TBC1D2B: variants seen among roughly 807,000 people sequenced by gnomAD.
The protein encoded by TBC1D2B is TBC1 domain family member 2B.
In TBC1D2B, 64 loss-of-function variants were observed where a neutral mutation model predicts 100.8. The observed-to-expected ratio is 0.64, with a 90% confidence interval of 0.52 to 0.78. The LOEUF (loss-of-function observed/expected upper bound fraction) is 0.78. Among genes scored for constraint, TBC1D2B ranks in the 30% least tolerant of loss-of-function variants. The pLI, the probability that TBC1D2B is intolerant of heterozygous loss-of-function variation, is 0.00. For synonymous variants in TBC1D2B, 480 were observed against 479.7 expected, an observed-to-expected ratio of 1.00 and a Z score of -0.01; for missense variants, 1,052 against 1,218.4, an observed-to-expected ratio of 0.86 and a Z score of 2.03.
At chr15:78,029,836 G>GT (rs973123688) in intron 4 of TBC1D2B, among the ~76,000 whole-genome samples, 171 bp downstream of exon 4, 3 of 152,084 alleles carry the variant, frequency 2.0e-5, no homozygotes, top group Admixed American at 2.0e-4. Context: ...TTCTTATAAC[G>GT]TTTATTAAAT....
At chr15:78,016,862 G>A in intron 7 of TBC1D2B, 123 bp from the exon 8 acceptor site, 1 of 754,056 alleles carries the variant, frequency 1.3e-6, no homozygotes, top group Non-Finnish European at 2.0e-6. Flanking sequence ...GAGACAGACT[G>A]TAGCAAAGAC....
chr15:78,035,745 C>A (rs1269641737), intron 3 of TBC1D2B, among the ~76,000 whole-genome samples: 2 of 151,140 alleles, frequency 1.3e-5, no homozygotes, highest in African/African-American at 4.9e-5. Context: ...CAGAACAATG[C>A]TATTTGAAAT....
At chr15:78,076,236 C>G (rs2073826931) in intron 1 of TBC1D2B, among the ~76,000 whole-genome samples, 1 of 152,186 alleles carries the variant, frequency 6.6e-6, no homozygotes, top group Non-Finnish European at 1.5e-5. Flanking sequence ...CACTGTATCT[C>G]TCATTTTGTC....
intron 1 of TBC1D2B, among the ~76,000 whole-genome samples, chr15:78,057,647 G>GA (rs931742283): frequency 2.0e-4 from 29 of 146,610 alleles, no homozygotes; most frequent in South Asian, 4.3e-4. Flanking sequence ...CTGTCTCAAA[G>GA]AAAAAAAAAA....
At chr15:78,024,130 C>A in intron 6 of TBC1D2B, 26 bp downstream of exon 6, 1 of 1,582,880 alleles carries the variant, frequency 6.3e-7, no homozygotes, top group Non-Finnish European at 8.6e-7. Flanking sequence ...TCATGCCAAT[C>A]ACCAGAGCCC....
intron 9 of TBC1D2B, among the ~76,000 whole-genome samples, chr15:78,011,804 G>A (rs1187252210): frequency 2.0e-5 from 3 of 151,688 alleles, no homozygotes; most frequent in African/African-American, 7.3e-5. Context: ...ATGTGCCACC[G>A]TCTGGCAAAT....
At chr15:78,027,487 G>A (rs967744414) in intron 4 of TBC1D2B, among the ~76,000 whole-genome samples, 6 of 152,170 alleles carry the variant, frequency 3.9e-5, no homozygotes, top group Admixed American at 2.0e-4. Flanking sequence ...GCTGATTATC[G>A]GAGCCATTTC....
At chr15:78,073,173 A>T (rs2073767311) in intron 1 of TBC1D2B, among the ~76,000 whole-genome samples, 1 of 152,154 alleles carries the variant, frequency 6.6e-6, no homozygotes, top group Non-Finnish European at 1.5e-5. Flanking sequence ...GCAAAATCAC[A>T]TCCCCTCTCT....
rs191285187 is a variant in TBC1D2B, at chr15:77,997,247, G to A, written c.*913C>T. ...CACCACTGCCCTGCAAAGCACCCCC[G>A]AAAACATTCCTCCATCCCCTCAACC... On this transcript the variant is annotated 3_prime_UTR_variant, in exon 13 of 13. Coordinates refer to ENST00000300584, the MANE Select transcript of TBC1D2B (RefSeq NM_144572.2). 1,134 of 152,392 alleles carry A rather than the reference G, an allele frequency of 7.4e-3. 11 individuals carry two copies. The highest frequency in any genetic ancestry group is 0.013 in the Non-Finnish European group (900 of 68,064). The allele number at this position is 152,392 out of a possible 1,614,324, so 9.4% of individuals were successfully genotyped here.
chr15:78,012,870 G>C lies in TBC1D2B; in HGVS notation c.2223C>G (p.Ala741=), dbSNP rs1420101166. 6.6e-7 allele frequency: 1 copy of C among 1,517,872 alleles called. No homozygotes were observed. Among genetic ancestry groups the C allele is most frequent in the Non-Finnish European group, 8.8e-7 (1 of 1,133,562 alleles). 94.0% of individuals were successfully genotyped at this position (1,517,872 alleles called of 1,614,324 possible). A position where few individuals can be genotyped will look rare whatever the true frequency, so the allele number is the denominator to read the frequency against. Residue 741 remains alanine (A), a synonymous_variant, in exon 9 of 13, where the codon GCC becomes GCG. Transcript: ENST00000300584. ...GIQKLRNVLL[A]FSWRNPDIGY... is the part of the protein sequence containing the mutation. ...CGATATCTGGATTCCGCCAGGAGAA[G>C]GCGAGGAGGACATTGCGTAACTTCT... is the stretch of plus-strand genomic sequence containing the variant.
At chr15:78,026,016 C>G (rs1383331247) in intron 4 of TBC1D2B, among the ~76,000 whole-genome samples, 2 of 151,416 alleles carry the variant, frequency 1.3e-5, no homozygotes. Flanking sequence ...TGATTCCCCC[C>G]ACTGGATCCT....
In TBC1D2B at chr15:77,998,273, T is replaced by G; in HGVS notation, c.2779A>C (p.Lys927Gln). The G allele has an allele frequency of 6.2e-7, 1 of 1,604,182 alleles. No individual in the cohort carries two copies. The change falls in exon 13 of 13, where the codon AAA (lysine) becomes CAA (glutamine). Residue 927 changes from lysine (K) to glutamine (Q), a missense_variant. This residue lies in a region of TBC1D2B where 47 missense variants were observed against 88.3 expected (regional missense o/e 0.53). Coordinates refer to ENST00000300584, the MANE Select transcript of TBC1D2B (RefSeq NM_144572.2). Reference protein sequence around the residue: ...IRNRRAYHLEKVRLELTELEA... With the variant: ...IRNRRAYHLEQVRLELTELEA... ...AGCTCGGTCAGCTCCAGCCGGACTT[T>G]CTCCAAGTGGTAGGCGCGTCGGTTC...
At chr15:78,071,219 C>T (rs760999246) in intron 1 of TBC1D2B, among the ~76,000 whole-genome samples, 68 of 152,170 alleles carry the variant, frequency 4.5e-4, no homozygotes, top group Non-Finnish European at 6.8e-4. Flanking sequence ...CCTCCCATTT[C>T]GGCCTCCCAA....
At chr15:77,998,598 CTG>C (rs2141606703) in intron 12 of TBC1D2B, 1 of 476,290 alleles carries the variant, frequency 2.1e-6, no homozygotes, top group African/African-American at 2.0e-5. Context: ...TGCTGTGTGA[CTG>C]AAGTCACCCC....
chr15:78,030,142 T>C lies in TBC1D2B; in HGVS notation c.712A>G (p.Arg238Gly). 6.2e-7 allele frequency: 1 copy of C among 1,611,320 alleles called. No homozygotes were observed. Among genetic ancestry groups the C allele is most frequent in the Non-Finnish European group, 8.5e-7 (1 of 1,179,204 alleles). ...KNSMSSFRPG[R>G]GHNDSRRTVF... The stretch of plus-strand genomic sequence containing the variant: ...GTCCTCCGACTATCATTATGTCCTC[T>C]CCCAGGACGGAAAGAAGACATCGAA... Residue 238 changes from arginine (R) to glycine (G), a missense_variant, in exon 4 of 13, where the codon AGA becomes GGA. By Grantham distance (125) the Arg-to-Gly change is moderately radical (BLOSUM62 -2). This residue lies in a region of TBC1D2B where 627 missense variants were observed against 646.1 expected (regional missense o/e 0.97). Transcript: ENST00000300584.
chr15:78,009,862 C>G (rs1158430036), intron 9 of TBC1D2B, among the ~76,000 whole-genome samples: 12 of 151,674 alleles, frequency 7.9e-5, no homozygotes, highest in Admixed American at 6.6e-4. Flanking sequence ...GTAGTCCAAG[C>G]TACCTGGGAG....
intron 1 of TBC1D2B, among the ~76,000 whole-genome samples, chr15:78,070,695 T>C (rs1035172829): frequency 6.6e-6 from 1 of 152,236 alleles, no homozygotes; most frequent in Admixed American, 6.5e-5. Context: ...TCTCCCTCTG[T>C]CACCCAGGCT....
At chr15:78,032,450 T>A (rs908449819) in intron 3 of TBC1D2B, among the ~76,000 whole-genome samples, 1 of 150,086 alleles carries the variant, frequency 6.7e-6, no homozygotes, top group African/African-American at 2.5e-5. Flanking sequence ...CACAAAAAGG[T>A]AAAATTCACA....
intron 3 of TBC1D2B, among the ~76,000 whole-genome samples, chr15:78,039,635 C>T (rs1247219229): frequency 6.6e-6 from 1 of 152,048 alleles, no homozygotes; most frequent in African/African-American, 2.4e-5. Context: ...GCAGCAATAC[C>T]AGCAGGCCTG....
Sources: gnomAD v4.1 joint callset for allele counts (sites outside exome capture counted in the v4.1 genomes callset) on GRCh38, gnomAD v4.1.1 for gene constraint, gnomAD v4.1.1 regional missense constraint, MANE v1.5 for transcripts, NCBI Gene and HGNC (gene_info 2026-07-23, HGNC 2026-07-21) for gene names.